ZPBP: variants seen among roughly 807,000 people sequenced by gnomAD.
ZPBP encodes the protein zona pellucida binding protein.
ZPBP carries 26 observed loss-of-function variants against 44.8 expected under a neutral mutation model. The ratio of observed to expected loss-of-function variants is 0.58; its 90% confidence interval spans 0.43 to 0.81. The LOEUF (loss-of-function observed/expected upper bound fraction) is 0.81, where lower values mean the gene tolerates loss of function less well. ZPBP is among the 30% of genes least tolerant of loss of function. ZPBP has a pLI of 0.00. For missense variants in ZPBP, 409 were observed against 434.0 expected, an observed-to-expected ratio of 0.94 and a Z score of 0.51; for synonymous variants, 174 against 153.2, an observed-to-expected ratio of 1.14 and a Z score of -1.00.
chr7:49,848,265 G>C (rs1284010626), downstream of ZPBP, among the ~76,000 whole-genome samples: 1 of 152,322 alleles, frequency 6.6e-6, no homozygotes, highest in Non-Finnish European at 1.5e-5. Context: ...TGTCCAGAGA[G>C]TGTCACCCTC....
chr7:49,870,269 G>A (rs1009405519), intron 2 of ZPBP, among the ~76,000 whole-genome samples: 10 of 152,088 alleles, frequency 6.6e-5, no homozygotes, highest in Non-Finnish European at 1.2e-4. Flanking sequence ...GCATGGTGGC[G>A]GGCGCCTGTA....
intron 6 of ZPBP, among the ~76,000 whole-genome samples, chr7:49,991,461 G>A (rs1345919945): frequency 1.3e-5 from 2 of 152,032 alleles, no homozygotes; most frequent in African/African-American, 2.4e-5. Context: ...TATGAAAGCT[G>A]GAATTCACTC....
chr7:50,089,573 A>C, intron 2 of ZPBP, 56 bp downstream of exon 2: 1 of 1,311,478 alleles, frequency 7.6e-7, no homozygotes, highest in Non-Finnish European at 1.1e-6. Flanking sequence ...AAGACTGATA[A>C]ATTTAAACAA....
At chr7:49,865,850 T>G (rs1179812793) in intron 2 of ZPBP, among the ~76,000 whole-genome samples, 2 of 152,170 alleles carry the variant, frequency 1.3e-5, no homozygotes, top group African/African-American at 2.4e-5. Flanking sequence ...AGTCTCAAAG[T>G]CCGGATGTCT....
intron 1 of ZPBP, 33 bp from the exon 2 acceptor site, chr7:50,089,742 T>C (rs753788518): frequency 6.6e-7 from 1 of 1,512,560 alleles, no homozygotes. Flanking sequence ...ATTTGTCTCA[T>C]TAGATATTCT....
chr7:50,031,412 G>A, intron 4 of ZPBP, 102 bp from the exon 5 acceptor site: 1 of 904,008 alleles, frequency 1.1e-6, no homozygotes, highest in East Asian at 2.7e-5. Flanking sequence ...TGAATTCTTG[G>A]TACATGTTTT....
At chr7:50,062,464 T>C (rs1019190354) in intron 3 of ZPBP, among the ~76,000 whole-genome samples, 1 of 152,104 alleles carries the variant, frequency 6.6e-6, no homozygotes, top group Non-Finnish European at 1.5e-5. Context: ...ATAGCACTGG[T>C]ATAAAAACAG....
intron 2 of ZPBP, among the ~76,000 whole-genome samples, chr7:49,867,480 G>A (rs1790948440): frequency 6.6e-6 from 1 of 152,194 alleles, no homozygotes; most frequent in Non-Finnish European, 1.5e-5. Flanking sequence ...TGTTAAGAAA[G>A]GGTGCACCAT....
At chr7:50,031,409 T>C in intron 4 of ZPBP, 99 bp from the exon 5 acceptor site, 1 of 905,054 alleles carries the variant, frequency 1.1e-6, no homozygotes, top group Non-Finnish European at 1.7e-6. Flanking sequence ...GTATGAATTC[T>C]TGGTACATGT....
intron 6 of ZPBP, among the ~76,000 whole-genome samples, chr7:49,995,424 A>C (rs961352384): frequency 5.3e-5 from 8 of 152,226 alleles, no homozygotes; most frequent in African/African-American, 1.2e-4. Flanking sequence ...GAGATGTTGT[A>C]ATCTGCCCAA....
chr7:50,033,181 C>A (rs1799678686), intron 4 of ZPBP, among the ~76,000 whole-genome samples: 1 of 151,862 alleles, frequency 6.6e-6, no homozygotes, highest in African/African-American at 2.4e-5. Context: ...TTGCCTTTCT[C>A]TCTGATTTCT....
intron 3 of ZPBP, among the ~76,000 whole-genome samples, chr7:50,070,043 C>T (rs563153410): frequency 6.6e-6 from 1 of 152,284 alleles, no homozygotes; most frequent in African/African-American, 2.4e-5. Context: ...AAGCCTCTCT[C>T]ATGTCCCAGG....
At chr7:50,081,678 A>C in intron 3 of ZPBP, 96 bp downstream of exon 3, 2 of 1,433,320 alleles carry the variant, frequency 1.4e-6, no homozygotes, top group Non-Finnish European at 1.9e-6. Context: ...GAATTGAGGA[A>C]ATAACATAAA....
chr7:50,068,841 C>T (rs1015727299), intron 3 of ZPBP, among the ~76,000 whole-genome samples: 1 of 152,212 alleles, frequency 6.6e-6, no homozygotes, highest in Non-Finnish European at 1.5e-5. Flanking sequence ...GAGTATACAA[C>T]CGAAATGCCT....
intron 2 of ZPBP, among the ~76,000 whole-genome samples, chr7:49,870,176 G>A (rs571119926): frequency 2.0e-5 from 3 of 152,246 alleles, no homozygotes; most frequent in South Asian, 4.1e-4. Context: ...CGAGGTGGGC[G>A]GATCACGAGG....
chr7:50,067,496 C>A (rs995556541), intron 3 of ZPBP, among the ~76,000 whole-genome samples: 1 of 152,188 alleles, frequency 6.6e-6, no homozygotes, highest in Non-Finnish European at 1.5e-5. Flanking sequence ...TTTCTATAGG[C>A]AAAGACTGCA....
At chr7:49,872,915 C>CAAAAAAAAAAAAAAAAAAA (rs61473396) in intron 2 of ZPBP, among the ~76,000 whole-genome samples, 15 of 33,958 alleles carry the variant, frequency 4.4e-4, no homozygotes, top group Non-Finnish European at 6.4e-4. Context: ...GACTTTGTCT[C>CAAAAAAAAAAAAAAAAAAA]AAAAAAAAAA....
At chr7:49,964,381 T>C (rs1167138692) in intron 7 of ZPBP, among the ~76,000 whole-genome samples, 1 of 152,030 alleles carries the variant, frequency 6.6e-6, no homozygotes, top group Non-Finnish European at 1.5e-5. Context: ...TATTTATGTA[T>C]CAAATCCTGA....
At chr7:49,886,548 G>A (rs2128728881) in intron 2 of ZPBP, among the ~76,000 whole-genome samples, 1 of 152,052 alleles carries the variant, frequency 6.6e-6, no homozygotes, top group South Asian at 2.1e-4. Context: ...CTTATCAAAT[G>A]TCCCTATTCA....
Sources: gnomAD v4.1 joint callset for allele counts (sites outside exome capture counted in the v4.1 genomes callset) on GRCh38, gnomAD v4.1.1 for gene constraint, MANE v1.5 for transcripts, NCBI Gene and HGNC (gene_info 2026-07-23, HGNC 2026-07-21) for gene names.